Variants in POLN observed in about 807,000 individuals in gnomAD.
POLN encodes the protein DNA polymerase N.
A neutral mutation model predicts 113.5 loss-of-function variants in POLN; 108 were observed. The observed-to-expected ratio is 0.95, with a 90% CI of 0.81 to 1.12. POLN has a LOEUF of 1.12. Ranked by LOEUF, POLN falls within the 50% of genes most tolerant of loss-of-function variation. The pLI is 0.00. For missense variants in POLN, 1,097 were observed against 1,077.1 expected (o/e 1.02, Z -0.26); for synonymous variants, 386 against 391.5 (o/e 0.99, Z 0.17).
chr4:2,088,951 G>A, intron 20 of POLN: 1 of 961,892 alleles, frequency 1.0e-6, no homozygotes, highest in Non-Finnish European at 1.6e-6. Flanking sequence ...CAACGGCCTT[G>A]GTCCGAGACA....
intron 19 of POLN, among the ~76,000 whole-genome samples, chr4:2,124,290 G>T (rs928495574): frequency 6.6e-6 from 1 of 152,050 alleles, no homozygotes; most frequent in Non-Finnish European, 1.5e-5. Context: ...TTTATTTTTT[G>T]AGAGACAGGT....
chr4:2,182,067 G>A lies in POLN; in HGVS notation c.1022-2602C>T, dbSNP rs536652646. ...TACATAATCAATACAGCGTAGTATC[G>A]ACACAGAATAGACCTACAGATCAGT... On this transcript the variant is annotated intron_variant, in intron 7 of 25. Transcript: ENST00000511885. Among the ~76,000 whole-genome samples, 14 of 151,552 alleles carry A rather than the reference G, an allele frequency of 9.2e-5. No homozygotes were observed. In the South Asian group the frequency reaches 2.3e-3, roughly 25 times the overall value.
rs1409702636 is a variant in POLN at position 2,128,157 on chromosome 4, C to G, written c.1938G>C (p.Gln646His). Residue 646 changes from glutamine to histidine, a missense_variant, in exon 19 of 26, where the codon CAG becomes CAC. Transcript: ENST00000511885. The part of the protein sequence containing the change: ...SGDPELLKLF[Q>H]ESERDDVFST... ...AAAATACATCATCTCTTTCAGATTC[C>G]TGGAATAACTTCAGAAGTTCCGGAT... 1 of 1,611,896 alleles carries G rather than the reference C, an allele frequency of 6.2e-7. No homozygotes were observed. Among genetic ancestry groups the G allele is most frequent in the South Asian group, 1.1e-5 (1 of 91,012 alleles).
chr4:2,072,615 G>C (rs1404105656), intron 25 of POLN, among the ~76,000 whole-genome samples: 1 of 152,186 alleles, frequency 6.6e-6, no homozygotes, highest in African/African-American at 2.4e-5. Context: ...GGTGTGTCCT[G>C]GGGCATCCTG....
intron 16 of POLN, among the ~76,000 whole-genome samples, chr4:2,151,955 G>A (rs1383805727): frequency 6.6e-6 from 1 of 152,046 alleles, no homozygotes; most frequent in Non-Finnish European, 1.5e-5. Context: ...TTAGGAGGGG[G>A]TGTGTGTGAG....
intron 3 of POLN, among the ~76,000 whole-genome samples, chr4:2,218,900 T>C (rs1230297580): frequency 6.6e-6 from 1 of 152,188 alleles, no homozygotes; most frequent in African/African-American, 2.4e-5. Context: ...ACCTGGTGAA[T>C]TAAATGAACA....
intron 21 of POLN, 137 bp from the exon 22 acceptor site, chr4:2,081,880 CG>C (rs906295042): frequency 1.7e-6 from 1 of 606,046 alleles, no homozygotes; most frequent in Non-Finnish European, 2.9e-6. Flanking sequence ...CTGGGCCCTT[CG>C]GGTCTATCAT....
intron 23 of POLN, 24 bp from the exon 24 acceptor site, chr4:2,075,543 C>T (rs1384921808): frequency 2.5e-6 from 4 of 1,612,220 alleles, no homozygotes; most frequent in African/African-American, 1.3e-5. Context: ...AAGGAGTCAC[C>T]CTGGGAGGCC....
At chr4:2,147,643 C>CTTTTTTTTTTTTTTTTTTTTTTT (rs747184067) in intron 16 of POLN, among the ~76,000 whole-genome samples, 4 of 79,362 alleles carry the variant, frequency 5.0e-5, no homozygotes, top group Non-Finnish European at 1.0e-4. Context: ...TTTTTCTTTT[C>CTTTTTTTTTTTTTTTTTTTTTTT]TTTTTTTTTT....
chr4:2,079,513 CGTGT>C, intron 23 of POLN: 2 of 985,488 alleles, frequency 2.0e-6, no homozygotes, highest in Non-Finnish European at 2.4e-6. Context: ...CTTGTGTGTG[CGTGT>C]GTGTGCACGT....
At chr4:2,208,779 C>T (rs1423930109) in intron 4 of POLN, among the ~76,000 whole-genome samples, 1 of 151,988 alleles carries the variant, frequency 6.6e-6, no homozygotes, top group Non-Finnish European at 1.5e-5. Flanking sequence ...CACTTGAGGT[C>T]AGGAATTCGA....
At chr4:2,186,750 C>T (rs1210643466) in intron 7 of POLN, among the ~76,000 whole-genome samples, 3 of 152,160 alleles carry the variant, frequency 2.0e-5, no homozygotes, top group African/African-American at 7.2e-5. Context: ...GGAACCATGA[C>T]ATTCTCAAAC....
chr4:2,171,948 T>C (rs1241692407), intron 11 of POLN, among the ~76,000 whole-genome samples: 4 of 152,144 alleles, frequency 2.6e-5, no homozygotes, highest in Non-Finnish European at 5.9e-5. Context: ...CAACATCACA[T>C]AGAACAAGAC....
intron 19 of POLN, among the ~76,000 whole-genome samples, chr4:2,096,721 A>G (rs1378662927): frequency 6.6e-6 from 1 of 151,828 alleles, no homozygotes; most frequent in Admixed American, 6.6e-5. Flanking sequence ...AGAGAGAGAG[A>G]GAGAGAGAGA....
At chr4:2,174,237 C>T (rs557588089) in intron 10 of POLN, among the ~76,000 whole-genome samples, 7 of 152,176 alleles carry the variant, frequency 4.6e-5, no homozygotes, top group South Asian at 2.1e-4. Flanking sequence ...TGGGAGTGGG[C>T]GAGGGGACCG....
intron 15 of POLN, among the ~76,000 whole-genome samples, chr4:2,157,381 C>T (rs908446870): frequency 6.6e-6 from 1 of 152,202 alleles, no homozygotes. Flanking sequence ...TCAACCTATG[C>T]TGCCAGGGGA....
intron 19 of POLN, among the ~76,000 whole-genome samples, chr4:2,123,578 T>C (rs187911528): frequency 4.8e-5 from 7 of 146,416 alleles, no homozygotes; most frequent in Admixed American, 1.4e-4. Context: ...TGAGCCAAGA[T>C]TGCACCACTG....
At chr4:2,193,607 C>G (rs1733507224) in intron 6 of POLN, among the ~76,000 whole-genome samples, 1 of 152,168 alleles carries the variant, frequency 6.6e-6, no homozygotes, top group Non-Finnish European at 1.5e-5. Context: ...CAAAGTACAC[C>G]TACTCTGGGC....
At chr4:2,162,123 C>T (rs1015522483) in intron 13 of POLN, among the ~76,000 whole-genome samples, 4 of 152,150 alleles carry the variant, frequency 2.6e-5, no homozygotes, top group African/African-American at 9.7e-5. Flanking sequence ...GGTCCCCTTC[C>T]ACACTGTGGA....
Sources: allele counts gnomAD v4.1 joint callset (sites outside exome capture counted in the v4.1 genomes callset), GRCh38; gene constraint gnomAD v4.1.1; transcripts MANE v1.5; gene names NCBI Gene and HGNC (gene_info 2026-07-23, HGNC 2026-07-21).